CCDC148: variants seen among roughly 807,000 people sequenced by gnomAD.
CCDC148 encodes coiled-coil domain containing 148.
Under a neutral mutation model 85.7 loss-of-function variants are expected in CCDC148, and 89 were observed. The ratio of observed to expected loss-of-function variants is 1.04; its 90% CI spans 0.87 to 1.24. The LOEUF (loss-of-function observed/expected upper bound fraction) is 1.24. Ranked by LOEUF, CCDC148 falls within the 50% of genes most tolerant of loss-of-function variation. CCDC148 has a pLI of 0.00. For synonymous variants in CCDC148, 230 were observed against 213.9 expected (o/e 1.08, Z -0.66); for missense variants, 692 against 671.7 (o/e 1.03, Z -0.33).
chr2:158,350,157 C>CTAGCA (rs1232696696), intron 2 of CCDC148, among the ~76,000 whole-genome samples: 3 of 152,194 alleles, frequency 2.0e-5, no homozygotes, highest in Non-Finnish European at 4.4e-5. Context: ...CAGTAGCCAT[C>CTAGCA]TAGCAGCTAA....
intron 9 of CCDC148, among the ~76,000 whole-genome samples, chr2:158,287,537 C>G (rs1362225704): frequency 6.6e-6 from 1 of 152,146 alleles, no homozygotes; most frequent in African/African-American, 2.4e-5. Flanking sequence ...AGGCCCCACA[C>G]AAGTCCAAAA....
At chr2:158,227,952 C>G (rs1687639252) in intron 10 of CCDC148, among the ~76,000 whole-genome samples, 1 of 152,078 alleles carries the variant, frequency 6.6e-6, no homozygotes, top group African/African-American at 2.4e-5. Flanking sequence ...ACAAAATTGA[C>G]AAATGGGATC....
At position 158,456,706 on chromosome 2, in the gene CCDC148, C is replaced by T; in HGVS notation, c.-267G>A. ...GAGACCTGAGACACCTTCTCTCTCA[C>T]ACCCACCCTCTCCAGGCCCTCTCGC... On this transcript the variant is annotated 5_prime_UTR_variant, in exon 1 of 14. It adds an upstream start codon to the 5' untranslated region. Transcript: ENST00000283233. 1.9e-6 allele frequency: 1 copy of T among 536,388 alleles called. No individual in the cohort carries two copies. The highest frequency in any genetic ancestry group is 3.3e-6 in the Non-Finnish European group (1 of 300,506). 33.2% of individuals were successfully genotyped at this position (536,388 alleles called of 1,614,324 possible).
intron 11 of CCDC148, among the ~76,000 whole-genome samples, chr2:158,219,890 T>C (rs780748384): frequency 2.0e-4 from 30 of 152,216 alleles, no homozygotes; most frequent in Non-Finnish European, 3.1e-4. Context: ...CCCTAGGGTA[T>C]TCTTTAGCAT....
chr2:158,226,743 C>T (rs934214396), intron 10 of CCDC148, among the ~76,000 whole-genome samples: 10 of 152,188 alleles, frequency 6.6e-5, no homozygotes, highest in Admixed American at 1.3e-4. Flanking sequence ...AGGCCTTTGA[C>T]AAAATTCAAC....
chr2:158,364,028 AG>A (rs1235834323), intron 1 of CCDC148, among the ~76,000 whole-genome samples: 1 of 152,148 alleles, frequency 6.6e-6, no homozygotes, highest in Non-Finnish European at 1.5e-5. Context: ...TAATAGACAG[AG>A]AGCCAAATCA....
chr2:158,393,206 A>T (rs1046201887), intron 1 of CCDC148: 2 of 152,152 alleles, frequency 1.3e-5, no homozygotes, highest in African/African-American at 4.8e-5. Context: ...GGATGTATAC[A>T]TGAAACATTA....
At chr2:158,283,532 T>C (rs1015201723) in intron 9 of CCDC148, among the ~76,000 whole-genome samples, 2 of 152,184 alleles carry the variant, frequency 1.3e-5, no homozygotes, top group Admixed American at 6.5e-5. Flanking sequence ...AAAATGCTCA[T>C]CATCACTGGC....
At chr2:158,297,835 G>T (rs1691260993) in intron 9 of CCDC148, among the ~76,000 whole-genome samples, 1 of 152,192 alleles carries the variant, frequency 6.6e-6, no homozygotes, top group South Asian at 2.1e-4. Context: ...GACTGCCTTT[G>T]TGTGTGACCA....
intron 13 of CCDC148, among the ~76,000 whole-genome samples, chr2:158,176,279 G>A (rs1023636587): frequency 6.6e-6 from 1 of 151,746 alleles, no homozygotes; most frequent in Non-Finnish European, 1.5e-5. Context: ...TAAAAAATAA[G>A]CTTCAATGAC....
chr2:158,257,483 T>C (rs1476974203), intron 9 of CCDC148, among the ~76,000 whole-genome samples: 3 of 151,880 alleles, frequency 2.0e-5, no homozygotes, highest in African/African-American at 7.2e-5. Context: ...ATATATTTCG[T>C]TTATGTTTAA....
chr2:158,331,330 T>C (rs1404547682), intron 7 of CCDC148, among the ~76,000 whole-genome samples: 1 of 152,216 alleles, frequency 6.6e-6, no homozygotes, highest in Non-Finnish European at 1.5e-5. Context: ...AGTGAGTTTC[T>C]TAATCCTGAG....
At chr2:158,440,299 A>C (rs1687875920) in intron 1 of CCDC148, among the ~76,000 whole-genome samples, 1 of 152,242 alleles carries the variant, frequency 6.6e-6, no homozygotes, top group South Asian at 2.1e-4. Context: ...TTAACTGTTA[A>C]ATAGTTAAAC....
chr2:158,236,781 A>G (rs1184493818), intron 10 of CCDC148, among the ~76,000 whole-genome samples: 1 of 152,192 alleles, frequency 6.6e-6, no homozygotes, highest in Non-Finnish European at 1.5e-5. Context: ...CTTTTCATTC[A>G]TTTAATTCAT....
intron 9 of CCDC148, among the ~76,000 whole-genome samples, chr2:158,298,033 A>G (rs889101857): frequency 2.6e-5 from 4 of 152,252 alleles, no homozygotes; most frequent in African/African-American, 9.6e-5. Flanking sequence ...ATTTACAGTC[A>G]TGGCGGAAGG....
rs778488419 is a variant in CCDC148, at chr2:158,286,492, T to G, written c.1110+22941A>C. Among the ~76,000 whole-genome samples, 4 of 152,248 alleles carry G rather than the reference T, an allele frequency of 2.6e-5. No homozygotes were observed. The South Asian group carries it at 6.2e-4, about 24-fold the overall frequency. ...AACAACCCTCAATAGGACTTCTTTTTTAGAACTTGGCAAATAGTTTCCAAA... is the reference window on the plus strand; with the variant it reads ...AACAACCCTCAATAGGACTTCTTTTGTAGAACTTGGCAAATAGTTTCCAAA... On this transcript the variant is annotated intron_variant, in intron 9 of 13. Transcript: ENST00000283233.
At chr2:158,321,294 T>G (rs1231853261) in intron 7 of CCDC148, among the ~76,000 whole-genome samples, 1 of 152,036 alleles carries the variant, frequency 6.6e-6, no homozygotes, top group Non-Finnish European at 1.5e-5. Flanking sequence ...CTTCCAAAAA[T>G]ATAAACCCCA....
chr2:158,424,845 G>A (rs1288957746), intron 1 of CCDC148: 1 of 190,654 alleles, frequency 5.2e-6, no homozygotes. Context: ...AATTCCCATG[G>A]ATACAAAAAC....
At chr2:158,357,217 C>T (rs1683701807) in intron 2 of CCDC148, among the ~76,000 whole-genome samples, 1 of 147,378 alleles carries the variant, frequency 6.8e-6, no homozygotes, top group South Asian at 2.1e-4. Context: ...TACCCTAAAA[C>T]TTAAAGTATA....
Sources: gnomAD v4.1 joint callset for allele counts (sites outside exome capture counted in the v4.1 genomes callset) on GRCh38, gnomAD v4.1.1 for gene constraint, MANE v1.5 for transcripts, NCBI Gene and HGNC (gene_info 2026-07-23, HGNC 2026-07-21) for gene names.